The following SH3PXD2A variants were observed in gnomAD, a reference collection of about 807,000 sequenced individuals.
SH3PXD2A encodes the protein SH3 and PX domains 2A.
A neutral mutation model predicts 115.2 loss-of-function variants in SH3PXD2A; 32 were observed. That is an observed-to-expected ratio of 0.28 (90% CI 0.21 to 0.37). The LOEUF is 0.37. SH3PXD2A is among the 10% of genes least tolerant of loss of function. The probability of loss-of-function intolerance (pLI) is 1.00; values close to 1 mark genes in which losing one functional copy is unlikely to be tolerated. For missense variants in SH3PXD2A, 1,328 were observed against 1,498.7 expected (o/e 0.89, Z 1.88); for synonymous variants, 610 against 629.1 (o/e 0.97, Z 0.45).
chr10:103,779,552 C>T (rs1342179518), intron 2 of SH3PXD2A, among the ~76,000 whole-genome samples: 1 of 152,152 alleles, frequency 6.6e-6, no homozygotes, highest in East Asian at 1.9e-4. Context: ...CTCGGACTTC[C>T]TCCTCCAGGC....
At chr10:103,677,047 C>T (rs938507239) in intron 6 of SH3PXD2A, among the ~76,000 whole-genome samples, 5 of 152,204 alleles carry the variant, frequency 3.3e-5, no homozygotes, top group Admixed American at 6.5e-5. Context: ...TCTTGCAATC[C>T]GCCTCCTCCC....
chr10:103,648,136 C>T (rs561666256), intron 8 of SH3PXD2A, among the ~76,000 whole-genome samples: 9 of 152,148 alleles, frequency 5.9e-5, no homozygotes, highest in East Asian at 1.9e-4. Flanking sequence ...ACAGGTGAGG[C>T]GATGAGAAGG....
At chr10:103,766,976 G>A in intron 3 of SH3PXD2A, 118 bp downstream of exon 3, 1 of 715,180 alleles carries the variant, frequency 1.4e-6, no homozygotes, top group South Asian at 1.6e-5. Flanking sequence ...TTGTTCATAT[G>A]CAGATTCCTG....
intron 3 of SH3PXD2A, among the ~76,000 whole-genome samples, chr10:103,751,591 G>A (rs982882771): frequency 8.5e-5 from 13 of 152,168 alleles, no homozygotes; most frequent in Non-Finnish European, 1.6e-4. Flanking sequence ...AATGAGATAC[G>A]GTTCTTGCTC....
intron 8 of SH3PXD2A, among the ~76,000 whole-genome samples, chr10:103,638,689 G>C (rs1030522228): frequency 6.6e-6 from 1 of 152,266 alleles, no homozygotes; most frequent in African/African-American, 2.4e-5. Flanking sequence ...ACGAGGATTA[G>C]AGGAGCTAAT....
chr10:103,678,486 C>T (rs1363767050), intron 6 of SH3PXD2A, among the ~76,000 whole-genome samples: 1 of 152,246 alleles, frequency 6.6e-6, no homozygotes, highest in Non-Finnish European at 1.5e-5. Context: ...GCGGCTCTGT[C>T]TAATGCTAAG....
intron 1 of SH3PXD2A, among the ~76,000 whole-genome samples, chr10:103,813,424 C>T (rs2039292001): frequency 1.3e-5 from 2 of 152,254 alleles, no homozygotes; most frequent in Middle Eastern, 3.4e-3. Context: ...TCAAGAAGTC[C>T]TCCCCGCTCA....
chr10:103,697,304 TA>T (rs2037837007), intron 5 of SH3PXD2A, among the ~76,000 whole-genome samples: 1 of 152,160 alleles, frequency 6.6e-6, no homozygotes, highest in Non-Finnish European at 1.5e-5. Flanking sequence ...GAAACTGCTA[TA>T]AATTGTCTTT....
intron 1 of SH3PXD2A, among the ~76,000 whole-genome samples, chr10:103,803,942 CG>C (rs2039172061): frequency 6.6e-6 from 1 of 152,100 alleles, no homozygotes; most frequent in African/African-American, 2.4e-5. Flanking sequence ...AACTCTAAGT[CG>C]GGGACGAGGG....
chr10:103,820,778 A>G (rs10883916), intron 1 of SH3PXD2A, among the ~76,000 whole-genome samples: 90,097 of 152,080 alleles, frequency 0.59, 27,509 homozygotes, highest in South Asian at 0.7. Flanking sequence ...TGAGATGCCA[A>G]CTGGGCTCCA....
chr10:103,738,822 T>C (rs2038410280), intron 3 of SH3PXD2A, among the ~76,000 whole-genome samples: 1 of 151,858 alleles, frequency 6.6e-6, no homozygotes, highest in African/African-American at 2.4e-5. Flanking sequence ...GAGACGGAGT[T>C]TCACTTTTGT....
intron 4 of SH3PXD2A, among the ~76,000 whole-genome samples, chr10:103,727,463 G>A (rs1030763391): frequency 6.6e-6 from 1 of 152,198 alleles, no homozygotes; most frequent in Non-Finnish European, 1.5e-5. Context: ...CAGAAGGCAG[G>A]AGGAAACCAT....
intron 5 of SH3PXD2A, among the ~76,000 whole-genome samples, chr10:103,722,677 C>T (rs2038196526): frequency 6.6e-6 from 1 of 151,602 alleles, no homozygotes; most frequent in Non-Finnish European, 1.5e-5. Flanking sequence ...CTTCGGCCAG[C>T]ACTGAGCCAC....
chr10:103,721,679 C>T (rs1296961601), intron 5 of SH3PXD2A, among the ~76,000 whole-genome samples: 2 of 152,188 alleles, frequency 1.3e-5, no homozygotes, highest in African/African-American at 4.8e-5. Context: ...CCTCTCTCCC[C>T]ATGCAAGGAC....
chr10:103,596,449 C>T lies in SH3PXD2A; in HGVS notation c.*5367G>A. The T allele has an allele frequency of 6.6e-6, 1 of 152,454 alleles. No homozygotes were observed. Among genetic ancestry groups the T allele is most frequent in the Non-Finnish European group, 1.5e-5 (1 of 67,998 alleles). The allele number at this position is 152,454 out of a possible 1,614,324, so 9.4% of individuals were successfully genotyped here. A position where few individuals can be genotyped will look rare whatever the true frequency, so the allele number is the denominator to read the frequency against. Reference sequence around the variant, plus strand: ...TAATTACAAAAAGAAAAAAAAATGACACATTGCACTCTCCAGCCAGAATGA... The same window carrying T: ...TAATTACAAAAAGAAAAAAAAATGATACATTGCACTCTCCAGCCAGAATGA... On this transcript the variant is annotated 3_prime_UTR_variant, in exon 15 of 15. Coordinates refer to ENST00000369774, the MANE Select transcript of SH3PXD2A (RefSeq NM_001394015.1).
Position 103,603,798 on chromosome 10 carries a change from C to T in SH3PXD2A, c.1429-9G>A, listed in dbSNP as rs141204817. On this transcript the variant is annotated splice_polypyrimidine_tract_variant and intron_variant, in intron 14 of 14. Coordinates refer to ENST00000369774, the MANE Select transcript of SH3PXD2A (RefSeq NM_001394015.1). ...GAGTTCTTATCAATGACCTGGGGTA[C>T]GAGTGCAGACAAGCCAGTGAGTTGG... The T allele has an allele frequency of 6.1e-4, 955 of 1,578,326 alleles. 2 individuals are homozygous for T. The highest frequency in any genetic ancestry group is 4.3e-3 in the African/African-American group (321 of 74,436).
intron 2 of SH3PXD2A, among the ~76,000 whole-genome samples, chr10:103,782,939 G>GC (rs2038946110): frequency 6.6e-6 from 1 of 151,818 alleles, no homozygotes; most frequent in African/African-American, 2.4e-5. Flanking sequence ...GCCTTGGGGG[G>GC]GGGGGCTCTC....
At chr10:103,783,013 C>G (rs982061971) in intron 2 of SH3PXD2A, among the ~76,000 whole-genome samples, 112 of 151,852 alleles carry the variant, frequency 7.4e-4, no homozygotes, top group African/African-American at 2.5e-3. Flanking sequence ...CCTTGGGGAC[C>G]TGAGGGAAGG....
Position 103,600,823 on chromosome 10 carries a change from A to G in SH3PXD2A, c.*993T>C, listed in dbSNP as rs2036204153. ...GACTTTGGCTTGTGGAGGGGGAAGA[A>G]TGTGAAACAAAAACAAAAGCAAAAT... On this transcript the variant is annotated 3_prime_UTR_variant, in exon 15 of 15. Transcript: ENST00000369774. The G allele has an allele frequency of 6.6e-6, 1 of 152,264 alleles. No homozygotes were observed. Among genetic ancestry groups the G allele is most frequent in the South Asian group, 2.1e-4 (1 of 4,826 alleles). The allele number at this position is 152,264 out of a possible 1,614,324, so 9.4% of individuals were successfully genotyped here.
Sources: allele counts gnomAD v4.1 joint callset (sites outside exome capture counted in the v4.1 genomes callset), GRCh38; gene constraint gnomAD v4.1.1; transcripts MANE v1.5; gene names NCBI Gene and HGNC (gene_info 2026-07-23, HGNC 2026-07-21).